The following GATB variants were observed in gnomAD, a reference collection of about 807,000 sequenced individuals.
The protein encoded by GATB is glutamyl-tRNA(Gln) amidotransferase subunit B, mitochondrial.
A neutral mutation model predicts 62.3 loss-of-function variants in GATB; 39 were observed. That is an observed-to-expected ratio of 0.63 (90% CI 0.48 to 0.82). GATB has a LOEUF of 0.82. Ranked by LOEUF, GATB falls within the 40% of genes least tolerant of loss-of-function variation. GATB has a pLI of 0.00. For missense variants in GATB, 670 were observed against 684.0 expected, an observed-to-expected ratio of 0.98 and a Z score of 0.23; for synonymous variants, 276 against 258.9, an observed-to-expected ratio of 1.07 and a Z score of -0.63.
chr4:151,682,893 G>T (rs183185361), intron 10 of GATB, among the ~76,000 whole-genome samples: 2 of 152,044 alleles, frequency 1.3e-5, no homozygotes, highest in Non-Finnish European at 2.9e-5. Flanking sequence ...CCCACCAAGC[G>T]CCTGTTCCAG....
At chr4:151,672,353 A>G (rs1578889600) in intron 12 of GATB, among the ~76,000 whole-genome samples, 1 of 151,450 alleles carries the variant, frequency 6.6e-6, no homozygotes, top group South Asian at 2.1e-4. Flanking sequence ...AAGTTCCTGT[A>G]CTCTCCCTGC....
At chr4:151,757,467 A>ATTTTTT (rs745311470) in intron 2 of GATB, among the ~76,000 whole-genome samples, 11 of 103,822 alleles carry the variant, frequency 1.1e-4, no homozygotes, top group South Asian at 3.5e-4. Context: ...CAGCTTCCAG[A>ATTTTTT]TTTTTTTTTT....
Position 151,716,025 on chromosome 4 carries a change from G to A in GATB, c.747C>T (p.Ser249=). The part of the protein sequence containing the change: ...LQLILQALGT[S]QANMAEGQLR... Reference sequence around the variant, plus strand: ...GGCTTCTACCTGCCATGTTCGCCTGGCTGGTCCCCAGGGCTTGAAGGATCA... The same window carrying A: ...GGCTTCTACCTGCCATGTTCGCCTGACTGGTCCCCAGGGCTTGAAGGATCA... Residue 249 remains serine, a synonymous_variant, in exon 5 of 13, where the codon AGC becomes AGT. Coordinates refer to ENST00000263985, the MANE Select transcript of GATB (RefSeq NM_004564.3). 6.2e-7 allele frequency: 1 copy of A among 1,613,630 alleles called. No homozygotes were observed. Among genetic ancestry groups the A allele is most frequent in the Admixed American group, 1.7e-5 (1 of 59,934 alleles).
In GATB at chr4:151,711,466, G is replaced by C. The variant is rs572655734; in HGVS notation, c.764-3365C>G. 2.0e-5 allele frequency among the ~76,000 whole-genome samples: 3 copies of C among 152,148 alleles called. No homozygotes were observed. In the East Asian group the frequency reaches 5.8e-4, roughly 29 times the overall value. ...GGCCTTGTGCTACCTCGCTTACCTCGTGGCCCATTCCTAGCTCTTTCTCAC... is the reference window on the plus strand; with the variant it reads ...GGCCTTGTGCTACCTCGCTTACCTCCTGGCCCATTCCTAGCTCTTTCTCAC... On this transcript the variant is annotated intron_variant, in intron 5 of 12. Transcript: ENST00000263985.
At chr4:151,747,926 C>A (rs1284180234) in intron 2 of GATB, among the ~76,000 whole-genome samples, 1 of 152,006 alleles carries the variant, frequency 6.6e-6, no homozygotes, top group East Asian at 1.9e-4. Flanking sequence ...ATGTAAGAAG[C>A]AATATCTGCT....
intron 2 of GATB, among the ~76,000 whole-genome samples, chr4:151,738,096 C>G (rs1311212932): frequency 6.6e-6 from 1 of 152,176 alleles, no homozygotes; most frequent in East Asian, 1.9e-4. Flanking sequence ...GGTAGATCCA[C>G]TGACAGTTTG....
chr4:151,716,987 G>A lies in GATB; in HGVS notation c.529C>T (p.Gln177Ter), dbSNP rs1738925712. 6.2e-7 allele frequency: 1 copy of A among 1,614,020 alleles called. No homozygotes were observed. Among genetic ancestry groups the A allele is most frequent in the Admixed American group, 1.7e-5 (1 of 60,002 alleles). ...ATCCTCACCGTCTTGGGGATCACCT[G>A]ACTCTGCTTCTTCCCTGCACAGACG... ...YGVCAGKKQS[Q>*]VIPKTVRIKQ... is the part of the protein sequence containing the mutation. The change falls in exon 4 of 13, where the codon CAG becomes TAG. Residue 177 changes from glutamine to a stop codon, truncating the protein, a stop_gained. Coordinates refer to ENST00000263985, the MANE Select transcript of GATB (RefSeq NM_004564.3). LOFTEE classifies it high-confidence loss of function.
intron 2 of GATB, among the ~76,000 whole-genome samples, chr4:151,729,483 C>T (rs753221077): frequency 1.3e-5 from 2 of 152,156 alleles, no homozygotes; most frequent in Non-Finnish European, 2.9e-5. Flanking sequence ...AGTATTCCAT[C>T]AACAGTAGCT....
chr4:151,672,456 G>A (rs909921705), intron 12 of GATB, among the ~76,000 whole-genome samples: 2 of 152,160 alleles, frequency 1.3e-5, no homozygotes, highest in Non-Finnish European at 2.9e-5. Context: ...GGGAGAGGGC[G>A]ACACACCTGG....
At chr4:151,727,196 C>G (rs922927793) in intron 2 of GATB, among the ~76,000 whole-genome samples, 4 of 152,228 alleles carry the variant, frequency 2.6e-5, no homozygotes, top group African/African-American at 9.6e-5. Context: ...GCTGAGATTT[C>G]AGGCTTGAGT....
intron 2 of GATB, among the ~76,000 whole-genome samples, chr4:151,747,938 C>T (rs1739635153): frequency 6.6e-6 from 1 of 151,796 alleles, no homozygotes; most frequent in Non-Finnish European, 1.5e-5. Context: ...ATATCTGCTA[C>T]AAAATGAAAA....
chr4:151,738,620 G>T (rs1287205660), intron 2 of GATB, among the ~76,000 whole-genome samples: 2 of 152,196 alleles, frequency 1.3e-5, no homozygotes, highest in Non-Finnish European at 2.9e-5. Context: ...CTACTTGAGA[G>T]TCTATGAAGT....
intron 3 of GATB, among the ~76,000 whole-genome samples, chr4:151,717,970 A>C (rs1444292144): frequency 6.6e-6 from 1 of 152,172 alleles, no homozygotes; most frequent in African/African-American, 2.4e-5. Context: ...AGTGAGCATC[A>C]ATGTCAATGT....
chr4:151,707,229 T>C (rs1241146182), intron 6 of GATB, among the ~76,000 whole-genome samples: 1 of 152,212 alleles, frequency 6.6e-6, no homozygotes, highest in Non-Finnish European at 1.5e-5. Flanking sequence ...CATGATCTTT[T>C]GTGGATCCTC....
intron 2 of GATB, among the ~76,000 whole-genome samples, chr4:151,748,669 A>C (rs1739653331): frequency 6.6e-6 from 1 of 152,226 alleles, no homozygotes; most frequent in South Asian, 2.1e-4. Context: ...AATGGGATCT[A>C]ATTAAACTAA....
chr4:151,696,725 T>C (rs1378502760), intron 9 of GATB, among the ~76,000 whole-genome samples: 2 of 152,240 alleles, frequency 1.3e-5, no homozygotes, highest in African/African-American at 2.4e-5. Flanking sequence ...TCTAGGCTGC[T>C]TAGGCAAATG....
chr4:151,737,605 C>T (rs988852259), intron 2 of GATB, among the ~76,000 whole-genome samples: 3 of 152,196 alleles, frequency 2.0e-5, no homozygotes, highest in Non-Finnish European at 4.4e-5. Flanking sequence ...GGGAAAATGT[C>T]TCCAGGGCAC....
intron 3 of GATB, 111 bp downstream of exon 3, chr4:151,719,314 G>A (rs1738979535): frequency 1.3e-6 from 1 of 749,112 alleles, no homozygotes; most frequent in Non-Finnish European, 2.3e-6. Flanking sequence ...TGGACACAGT[G>A]CTGGCTGAAA....
chr4:151,754,460 C>T (rs545331325), intron 2 of GATB, among the ~76,000 whole-genome samples: 1 of 152,274 alleles, frequency 6.6e-6, no homozygotes, highest in East Asian at 1.9e-4. Flanking sequence ...TGTTCATGCT[C>T]CATGTGGGCA....
Sources: allele counts gnomAD v4.1 joint callset (sites outside exome capture counted in the v4.1 genomes callset), GRCh38; gene constraint gnomAD v4.1.1; transcripts MANE v1.5; gene names NCBI Gene and HGNC (gene_info 2026-07-23, HGNC 2026-07-21).